The following RASGEF1C variants were observed in gnomAD, a reference collection of about 807,000 sequenced individuals.
The protein encoded by RASGEF1C is ras-GEF domain-containing family member 1C.
In RASGEF1C, 27 loss-of-function variants were observed where a neutral mutation model predicts 58.1. The ratio of observed to expected loss-of-function variants is 0.46; its 90% CI spans 0.34 to 0.64. RASGEF1C has a LOEUF of 0.64. RASGEF1C is among the 30% of genes least tolerant of loss of function. RASGEF1C has a pLI of 0.01. For missense variants in RASGEF1C, 502 were observed against 605.1 expected (o/e 0.83, Z 1.79); for synonymous variants, 243 against 246.3 (o/e 0.99, Z 0.13).
At chr5:180,189,332 T>C (rs562891159) in intron 1 of RASGEF1C, among the ~76,000 whole-genome samples, 2 of 152,370 alleles carry the variant, frequency 1.3e-5, no homozygotes, top group Non-Finnish European at 2.9e-5. Flanking sequence ...TTTTATAAGA[T>C]GTCAGTTTTC....
chr5:180,143,498 C>T lies in RASGEF1C; in HGVS notation c.-6-5440G>A, dbSNP rs532807183. ...CCAGTTGAAAACGTGCCCAAGGGCCCTGCTGTTCCTCCTCAGCGTGGGGCT... is the reference window on the plus strand; with the variant it reads ...CCAGTTGAAAACGTGCCCAAGGGCCTTGCTGTTCCTCCTCAGCGTGGGGCT... On this transcript the variant is annotated intron_variant, in intron 1 of 13. Transcript: ENST00000361132. This position sits in a 1 kb window ranked among gnomAD's most constrained non-coding sequence, Gnocchi z 4.3. 6.6e-6 allele frequency among the ~76,000 whole-genome samples: 1 copy of T among 152,336 alleles called. No homozygotes were observed. Among genetic ancestry groups the T allele is most frequent in the East Asian group, 1.9e-4 (1 of 5,180 alleles).
intron 1 of RASGEF1C, among the ~76,000 whole-genome samples, chr5:180,194,742 C>T (rs535889132): frequency 1.3e-5 from 2 of 152,218 alleles, no homozygotes; most frequent in South Asian, 2.1e-4. Flanking sequence ...TACGGGAGTA[C>T]GTCACAGGAG....
At chr5:180,142,057 G>A (rs527281399) in intron 1 of RASGEF1C, among the ~76,000 whole-genome samples, 335 of 152,246 alleles carry the variant, frequency 2.2e-3, no homozygotes, top group Non-Finnish European at 3.9e-3. Flanking sequence ...TGTGCACGTG[G>A]CCTGAATGAT....
chr5:180,182,746 T>A (rs1322251754), intron 1 of RASGEF1C, among the ~76,000 whole-genome samples: 1 of 152,026 alleles, frequency 6.6e-6, no homozygotes, highest in Non-Finnish European at 1.5e-5. Context: ...GATTGGTGCT[T>A]TTACAATCCT....
chr5:180,127,439 G>T (rs941092827), intron 6 of RASGEF1C, among the ~76,000 whole-genome samples, 170 bp downstream of exon 6: 3 of 152,232 alleles, frequency 2.0e-5, no homozygotes, highest in Admixed American at 6.5e-5. Context: ...GGTTGTCGTG[G>T]TGCGCCCCCG....
chr5:180,126,722 A>G (rs1189664689), intron 6 of RASGEF1C, among the ~76,000 whole-genome samples: 1 of 152,150 alleles, frequency 6.6e-6, no homozygotes, highest in African/African-American at 2.4e-5. Context: ...TGACAAGGCA[A>G]TCTGCCCCCA....
intron 10 of RASGEF1C, among the ~76,000 whole-genome samples, chr5:180,116,568 G>A (rs1415944933): frequency 1.3e-5 from 2 of 152,250 alleles, no homozygotes; most frequent in Non-Finnish European, 2.9e-5. Flanking sequence ...ATACGCAGCT[G>A]TAAGCCGCCC....
At position 180,138,033 on chromosome 5, in the gene RASGEF1C, G is replaced by A; in HGVS notation, c.20C>T (p.Ala7Val). 6.6e-7 allele frequency: 1 copy of A among 1,524,804 alleles called. No homozygotes were observed. Among genetic ancestry groups the A allele is most frequent in the Non-Finnish European group, 8.7e-7 (1 of 1,143,156 alleles). The allele number at this position is 1,524,804 out of a possible 1,614,324, so 94.5% of individuals were successfully genotyped here. The change falls in exon 2 of 14, where the codon GCC becomes GTC. Residue 7 changes from alanine (A) to valine (V), a missense_variant. By Grantham distance (64) the Ala-to-Val change is moderately conservative. Coordinates refer to ENST00000361132, the MANE Select transcript of RASGEF1C (RefSeq NM_175062.4). MPQTLS[A>V]SDMVTPGSLS... The stretch of plus-strand genomic sequence containing the variant: ...GCTGCCTGGGGTGACCATGTCGGAG[G>A]CACTCAGCGTCTGTGGCATGTCTGC...
At chr5:180,113,462 A>C (rs1378756684) in intron 11 of RASGEF1C, among the ~76,000 whole-genome samples, 2 of 49,820 alleles carry the variant, frequency 4.0e-5, no homozygotes, top group Admixed American at 4.5e-4. Context: ...GGGACCGGGG[A>C]TGGACGGAGT....
chr5:180,129,222 C>T (rs547480917), intron 4 of RASGEF1C, among the ~76,000 whole-genome samples: 23 of 152,328 alleles, frequency 1.5e-4, no homozygotes, highest in African/African-American at 5.1e-4. Flanking sequence ...GGCAGTGTGC[C>T]GACCACAGTT....
rs142389309 is a variant in RASGEF1C, at chr5:180,156,727, G to A, written c.-6-18669C>T. ...GTTGAGGCTGCAGTAAGCCGAGATC[G>A]TACCACTGCACTCCAGCCTGGGCAA... On this transcript the variant is annotated intron_variant, in intron 1 of 13. Coordinates refer to ENST00000361132, the MANE Select transcript of RASGEF1C (RefSeq NM_175062.4). This position sits in a 1 kb window ranked among gnomAD's most constrained non-coding sequence, Gnocchi z 4.9. 0.044 allele frequency among the ~76,000 whole-genome samples: 6,637 copies of A among 151,808 alleles called. 216 individuals are homozygous for A. Among genetic ancestry groups the A allele is most frequent in the South Asian group, 0.13 (640 of 4,798 alleles).
chr5:180,190,310 A>G (rs1338315614), intron 1 of RASGEF1C, among the ~76,000 whole-genome samples: 6 of 151,486 alleles, frequency 4.0e-5, no homozygotes, highest in South Asian at 2.1e-4. Flanking sequence ...ACACGGTGAA[A>G]CCCCGTCTCT....
chr5:180,111,609 AG>A (rs1466691468), intron 11 of RASGEF1C, 29 bp from the exon 12 acceptor site: 1 of 1,613,856 alleles, frequency 6.2e-7, no homozygotes. Context: ...CACAGAATGG[AG>A]GCACTCCAGT....
chr5:180,139,970 A>G (rs1224948270), intron 1 of RASGEF1C, among the ~76,000 whole-genome samples: 1 of 152,156 alleles, frequency 6.6e-6, no homozygotes, highest in African/African-American at 2.4e-5. Flanking sequence ...GCAAGGGTGG[A>G]GGTGGCTCTG....
intron 11 of RASGEF1C, among the ~76,000 whole-genome samples, chr5:180,112,219 T>TG (rs1765970498): frequency 6.6e-6 from 1 of 152,218 alleles, no homozygotes; most frequent in Admixed American, 6.5e-5. Flanking sequence ...CCTGGGCCCC[T>TG]GCAGTGTCTT....
chr5:180,119,290 C>T, intron 8 of RASGEF1C, 56 bp downstream of exon 8: 1 of 1,441,564 alleles, frequency 6.9e-7, no homozygotes, highest in Non-Finnish European at 9.8e-7. Flanking sequence ...TGCACCCACT[C>T]CGGCCTCTCG....
chr5:180,103,122 G>C (rs1765817400), intron 12 of RASGEF1C, among the ~76,000 whole-genome samples: 1 of 152,154 alleles, frequency 6.6e-6, no homozygotes, highest in South Asian at 2.1e-4. Context: ...CTGTCGCCCA[G>C]GCTGGAGTGC....
chr5:180,111,409 C>T (rs887854284), intron 12 of RASGEF1C, 48 bp downstream of exon 12: 1 of 1,613,276 alleles, frequency 6.2e-7, no homozygotes, highest in Non-Finnish European at 8.5e-7. Flanking sequence ...AGAGGCTACC[C>T]CAGAGTTCCG....
chr5:180,137,831 G>A lies in RASGEF1C; in HGVS notation c.177+45C>T. On this transcript the variant is annotated intron_variant, in intron 2 of 13. Transcript: ENST00000361132. The surrounding 1 kb of genome is among the most constrained non-coding windows in gnomAD (Gnocchi z 4.1). ...CCCAACCCTGATGCCCCCCGTGCGTGGTGGAGGAGAGCCCACTCTCCTGCC... is the reference window on the plus strand; with the variant it reads ...CCCAACCCTGATGCCCCCCGTGCGTAGTGGAGGAGAGCCCACTCTCCTGCC... The A allele has an allele frequency of 6.2e-7, 1 of 1,604,812 alleles. No individual in the cohort carries two copies. Among genetic ancestry groups the A allele is most frequent in the East Asian group, 2.2e-5 (1 of 44,670 alleles).
Sources: gnomAD v4.1 joint callset for allele counts (sites outside exome capture counted in the v4.1 genomes callset) on GRCh38, gnomAD v4.1.1 for gene constraint, Gnocchi (gnomAD v3.1) non-coding constraint, MANE v1.5 for transcripts, NCBI Gene and HGNC (gene_info 2026-07-23, HGNC 2026-07-21) for gene names.